Variants in AKR1D1 observed in about 807,000 individuals in gnomAD.
The protein encoded by AKR1D1 is delta(4)-3-ketosteroid 5-beta-reductase.
Under a neutral mutation model 42.6 loss-of-function variants are expected in AKR1D1, and 32 were observed. That is an observed-to-expected ratio of 0.75 (90% CI 0.57 to 1.01). The LOEUF is 1.01. Ranked by LOEUF, AKR1D1 falls within the 50% of genes least tolerant of loss-of-function variation. AKR1D1 has a pLI of 0.00. For synonymous variants in AKR1D1, 123 were observed against 135.5 expected (o/e 0.91, Z 0.64); for missense variants, 364 against 402.2 (o/e 0.91, Z 0.81).
intron 7 of AKR1D1, among the ~76,000 whole-genome samples, chr7:138,109,756 C>T (rs1419412688): frequency 6.6e-6 from 1 of 152,178 alleles, no homozygotes; most frequent in Admixed American, 6.5e-5. Context: ...AGATCAACTG[C>T]ATTACTAATG....
chr7:138,093,455 C>A (rs549181975), intron 3 of AKR1D1, among the ~76,000 whole-genome samples: 1 of 152,104 alleles, frequency 6.6e-6, no homozygotes, highest in African/African-American at 2.4e-5. Flanking sequence ...TTTTTTTAAA[C>A]TCTTTTGTTA....
chr7:138,096,888 C>T (rs534824825), intron 3 of AKR1D1, among the ~76,000 whole-genome samples: 28 of 152,348 alleles, frequency 1.8e-4, no homozygotes, highest in African/African-American at 6.5e-4. Flanking sequence ...TACCATTTTA[C>T]ATGCTAATGA....
chr7:138,105,265 T>C lies in AKR1D1; in HGVS notation c.457-42T>C, dbSNP rs1413969369. ...CCTTATAAACATTCATTCTTGCTTC[T>C]TGTGAGGCTTGTTTGTTGACCTGTG... is the stretch of plus-strand genomic sequence containing the variant. On this transcript the variant is annotated intron_variant, in intron 4 of 8. Coordinates refer to ENST00000242375, the MANE Select transcript of AKR1D1 (RefSeq NM_005989.4). 6 of 1,613,856 alleles carry C rather than the reference T, an allele frequency of 3.7e-6. No homozygotes were observed. In the South Asian group the frequency reaches 4.4e-5, roughly 12 times the overall value.
At chr7:138,088,341 A>C (rs1793979569) in intron 1 of AKR1D1, among the ~76,000 whole-genome samples, 1 of 152,158 alleles carries the variant, frequency 6.6e-6, no homozygotes, top group African/African-American at 2.4e-5. Context: ...GTCACAGGAA[A>C]TATTGATCAA....
intron 5 of AKR1D1, 121 bp from the exon 6 acceptor site, chr7:138,106,487 A>G (rs537519674): frequency 6.6e-6 from 5 of 754,034 alleles, no homozygotes; most frequent in African/African-American, 1.7e-5. Flanking sequence ...CGAAATGTAT[A>G]TAGTATGAAG....
chr7:138,083,420 TTTTG>T (rs1388080743), intron 1 of AKR1D1, among the ~76,000 whole-genome samples: 1 of 152,130 alleles, frequency 6.6e-6, no homozygotes, highest in Admixed American at 6.6e-5. Context: ...TTTTGTTTTG[TTTTG>T]TTTGTTTTTG....
chr7:138,099,423 GA>G (rs1201005721), intron 4 of AKR1D1, among the ~76,000 whole-genome samples: 3 of 152,010 alleles, frequency 2.0e-5, no homozygotes, highest in African/African-American at 4.8e-5. Flanking sequence ...ATATATTAGA[GA>G]ACATAAGAAA....
At chr7:138,114,489 G>A (rs551220080) in intron 8 of AKR1D1, among the ~76,000 whole-genome samples, 21 of 151,498 alleles carry the variant, frequency 1.4e-4, no homozygotes, top group African/African-American at 3.7e-4. Flanking sequence ...GAGAAACCCC[G>A]TCTCTACTAA....
intron 7 of AKR1D1, among the ~76,000 whole-genome samples, chr7:138,112,365 A>G (rs1219220374): frequency 6.6e-6 from 1 of 152,232 alleles, no homozygotes; most frequent in Non-Finnish European, 1.5e-5. Flanking sequence ...TTCCCTGAAA[A>G]GAGTACTTGG....
chr7:138,093,131 C>T (rs1262866880), intron 3 of AKR1D1, among the ~76,000 whole-genome samples: 3 of 148,094 alleles, frequency 2.0e-5, no homozygotes, highest in Middle Eastern at 3.3e-3. Flanking sequence ...TGCAGTGGTG[C>T]CATCTCGGCT....
intron 1 of AKR1D1, among the ~76,000 whole-genome samples, chr7:138,087,418 C>T (rs1793954194): frequency 6.6e-6 from 1 of 152,188 alleles, no homozygotes; most frequent in Non-Finnish European, 1.5e-5. Context: ...ACAGGATATG[C>T]TCATTCTTAT....
chr7:138,103,072 C>T (rs13228410), intron 4 of AKR1D1, among the ~76,000 whole-genome samples: 3,759 of 152,218 alleles, frequency 0.025, 75 homozygotes, highest in Non-Finnish European at 0.035. Context: ...GTTTATTGTA[C>T]ATCAGTTATA....
intron 2 of AKR1D1, 78 bp from the exon 3 acceptor site, chr7:138,091,689 GT>G (rs2117434501): frequency 8.8e-7 from 1 of 1,136,124 alleles, no homozygotes; most frequent in East Asian, 2.4e-5. Context: ...GTGTACGAGT[GT>G]TTTACAAAGA....
At chr7:138,105,119 CAT>C (rs1280449211) in intron 4 of AKR1D1, among the ~76,000 whole-genome samples, 186 bp from the exon 5 acceptor site, 2 of 151,898 alleles carry the variant, frequency 1.3e-5, no homozygotes, top group African/African-American at 2.4e-5. Flanking sequence ...ATGGCATACA[CAT>C]GTTTTCCAAA....
chr7:138,077,598 A>G (rs1802968304), intron 1 of AKR1D1, among the ~76,000 whole-genome samples: 1 of 152,246 alleles, frequency 6.6e-6, no homozygotes. Context: ...CCTTTAAAAC[A>G]TAGTAAAGTT....
In AKR1D1 at chr7:138,113,678, C is replaced by T; in HGVS notation, c.856-12C>T. The T allele has an allele frequency of 6.2e-7, 1 of 1,612,408 alleles. No homozygotes were observed. Among genetic ancestry groups the T allele is most frequent in the Non-Finnish European group, 8.5e-7 (1 of 1,178,504 alleles). On this transcript the variant is annotated splice_polypyrimidine_tract_variant and intron_variant, in intron 7 of 8. Coordinates refer to ENST00000242375, the MANE Select transcript of AKR1D1 (RefSeq NM_005989.4). ...GACCTTCAAAAATGTTCTATTATTTCCGTTATTTCAGATCTTTGACTTTTC... is the reference window on the plus strand; with the variant it reads ...GACCTTCAAAAATGTTCTATTATTTTCGTTATTTCAGATCTTTGACTTTTC...
At chr7:138,078,728 A>C (rs939128391) in intron 1 of AKR1D1, among the ~76,000 whole-genome samples, 2 of 152,216 alleles carry the variant, frequency 1.3e-5, no homozygotes, top group Non-Finnish European at 2.9e-5. Context: ...ATGGGGTACA[A>C]GCTATGGAGA....
At position 138,105,417 on chromosome 7, in the gene AKR1D1, A is replaced by C. The variant is rs1562937202; in HGVS notation, c.567A>C (p.Pro189=). The C allele has an allele frequency of 1.9e-6, 3 of 1,614,038 alleles. No individual in the cohort carries two copies. The highest frequency in any genetic ancestry group is 2.5e-6 in the Non-Finnish European group (3 of 1,179,994). Residue 189 remains proline (P), a synonymous_variant, in exon 5 of 9, where the codon CCA becomes CCC. Coordinates refer to ENST00000242375, the MANE Select transcript of AKR1D1 (RefSeq NM_005989.4). Reference sequence around the variant, plus strand: ...ACAAGCCAGGACTCAAACACAAGCCAGTCAGCAACCAGGTACAGCCTAATA... The same window carrying C: ...ACAAGCCAGGACTCAAACACAAGCCCGTCAGCAACCAGGTACAGCCTAATA... ...ILNKPGLKHK[P]VSNQVECHPY...
At chr7:138,106,009 A>G (rs1794418005) in intron 5 of AKR1D1, among the ~76,000 whole-genome samples, 1 of 152,208 alleles carries the variant, frequency 6.6e-6, no homozygotes, top group African/African-American at 2.4e-5. Flanking sequence ...GACAAATTGC[A>G]AGACTGGTAC....
Sources: allele counts gnomAD v4.1 joint callset (sites outside exome capture counted in the v4.1 genomes callset), GRCh38; gene constraint gnomAD v4.1.1; transcripts MANE v1.5; gene names NCBI Gene and HGNC (gene_info 2026-07-23, HGNC 2026-07-21).